The following METTL15 variants were observed in gnomAD, a reference collection of about 807,000 sequenced individuals.
METTL15 encodes methyltransferase 15, mitochondrial 12S rRNA N4-cytidine.
METTL15 carries 34 observed loss-of-function variants against 38.3 expected under a neutral mutation model. The observed-to-expected ratio is 0.89, with a 90% CI of 0.68 to 1.18. The LOEUF is 1.18. METTL15 is among the 50% of genes most tolerant of loss of function. The probability of loss-of-function intolerance (pLI) is 0.00; values close to 1 mark genes in which losing one functional copy is unlikely to be tolerated. For synonymous variants in METTL15, 162 were observed against 170.9 expected (o/e 0.95, Z 0.41); for missense variants, 438 against 498.4 (o/e 0.88, Z 1.15).
intron 4 of METTL15, among the ~76,000 whole-genome samples, chr11:28,272,418 G>T: frequency 6.6e-6 from 1 of 152,130 alleles, no homozygotes; most frequent in South Asian, 2.1e-4. Context: ...GTCCTTTGCA[G>T]GGACATGGAT....
chr11:28,170,909 G>T (rs1184289095), intron 3 of METTL15, among the ~76,000 whole-genome samples: 10 of 152,114 alleles, frequency 6.6e-5, no homozygotes, highest in Non-Finnish European at 1.0e-4. Context: ...CTAACCTCCT[G>T]TGTTTCAGCC....
At chr11:28,362,315 T>A (rs1288111218) in intron 5 of METTL15, among the ~76,000 whole-genome samples, 48 of 152,184 alleles carry the variant, frequency 3.2e-4, no homozygotes, top group Non-Finnish European at 4.4e-5. Flanking sequence ...CATTAAAACC[T>A]ACTGCTTTCT....
intron 4 of METTL15, among the ~76,000 whole-genome samples, chr11:28,260,082 G>C (rs997691098): frequency 2.6e-5 from 4 of 152,142 alleles, no homozygotes; most frequent in African/African-American, 7.2e-5. Flanking sequence ...TAATTTTTCT[G>C]TCTGCCTCAG....
chr11:28,288,713 A>G (rs1856389833), intron 4 of METTL15, among the ~76,000 whole-genome samples: 1 of 152,118 alleles, frequency 6.6e-6, no homozygotes, highest in South Asian at 2.1e-4. Context: ...ACTAATGGAT[A>G]CTAGGCTTAA....
At chr11:28,500,600 T>TC in intron 6 of METTL15, among the ~76,000 whole-genome samples, 1 of 152,138 alleles carries the variant, frequency 6.6e-6, no homozygotes, top group East Asian at 1.9e-4. Flanking sequence ...TGGCGAGATC[T>TC]CGGCTCACTG....
chr11:28,503,226 C>A (rs1002406613), intron 6 of METTL15, among the ~76,000 whole-genome samples: 1 of 152,162 alleles, frequency 6.6e-6, no homozygotes, highest in African/African-American at 2.4e-5. Context: ...TTTATTTGCC[C>A]ATAGTAGTCA....
At chr11:28,427,230 G>A (rs780694664) in intron 6 of METTL15, among the ~76,000 whole-genome samples, 6 of 152,174 alleles carry the variant, frequency 3.9e-5, no homozygotes, top group Non-Finnish European at 8.8e-5. Context: ...GGTTGTCAAA[G>A]ATCAGATGGT....
At chr11:28,494,652 C>A (rs2133484398) in intron 6 of METTL15, among the ~76,000 whole-genome samples, 1 of 152,226 alleles carries the variant, frequency 6.6e-6, no homozygotes, top group Middle Eastern at 3.4e-3. Flanking sequence ...GGGAGGGACT[C>A]AGTGGGAGGT....
intron 6 of METTL15, among the ~76,000 whole-genome samples, chr11:28,311,319 A>G (rs1400182755): frequency 6.6e-6 from 1 of 152,162 alleles, no homozygotes; most frequent in Non-Finnish European, 1.5e-5. Context: ...GTACAGGGAG[A>G]AATTCCTGTG....
intron 6 of METTL15, among the ~76,000 whole-genome samples, chr11:28,474,368 C>T (rs1851327688): frequency 6.6e-6 from 1 of 152,028 alleles, no homozygotes; most frequent in Admixed American, 6.6e-5. Context: ...TAATGCCTCT[C>T]TGTAAAATAG....
chr11:28,418,272 T>G (rs1414005500), intron 5 of METTL15, among the ~76,000 whole-genome samples: 1 of 152,184 alleles, frequency 6.6e-6, no homozygotes, highest in African/African-American at 2.4e-5. Flanking sequence ...ACTCCAACTG[T>G]TACCTCCAGG....
At chr11:28,456,961 A>C (rs1311075669) in intron 6 of METTL15, among the ~76,000 whole-genome samples, 1 of 152,168 alleles carries the variant, frequency 6.6e-6, no homozygotes, top group Admixed American at 6.5e-5. Flanking sequence ...ACAGAGACAA[A>C]CCATCATTGC....
chr11:28,251,712 C>A (rs182364417), intron 4 of METTL15, among the ~76,000 whole-genome samples: 1 of 152,152 alleles, frequency 6.6e-6, no homozygotes, highest in Non-Finnish European at 1.5e-5. Flanking sequence ...TAGCCATCTA[C>A]TCACATGATT....
chr11:28,120,985 G>A (rs1440108251), intron 3 of METTL15, among the ~76,000 whole-genome samples: 2 of 151,856 alleles, frequency 1.3e-5, no homozygotes, highest in African/African-American at 4.8e-5. Flanking sequence ...AGGGTAAATG[G>A]GTCATCTGTC....
chr11:28,431,358 GA>G (rs1389735947), intron 6 of METTL15, among the ~76,000 whole-genome samples: 1 of 124,218 alleles, frequency 8.1e-6, no homozygotes, highest in Admixed American at 8.7e-5. Flanking sequence ...GTGGGGAAAA[GA>G]TTGAGAAATC....
At chr11:28,226,609 A>G (rs1380505079) in intron 4 of METTL15, among the ~76,000 whole-genome samples, 1 of 151,938 alleles carries the variant, frequency 6.6e-6, no homozygotes, top group Admixed American at 6.6e-5. Context: ...AGCCAGAGCA[A>G]TGGCAAGTCT....
intron 6 of METTL15, among the ~76,000 whole-genome samples, chr11:28,464,673 CT>C (rs1851242470): frequency 6.6e-6 from 1 of 152,142 alleles, no homozygotes; most frequent in Non-Finnish European, 1.5e-5. Context: ...TCCTCAAATG[CT>C]GTCGTATGCC....
At chr11:28,197,360 T>G in intron 3 of METTL15, 1 of 246,154 alleles carries the variant, frequency 4.1e-6, no homozygotes, top group South Asian at 5.3e-5. Context: ...TTTTTGGAAT[T>G]TAGGCCTTTG....
At chr11:28,530,055 A>G (rs80067613), downstream of METTL15, among the ~76,000 whole-genome samples, 1,219 of 152,212 alleles carry the variant, frequency 8.0e-3, 23 homozygotes, top group African/African-American at 0.027. Context: ...GAGGAACTCA[A>G]ATGTCTAAGG....
Sources: gnomAD v4.1 joint callset for allele counts (sites outside exome capture counted in the v4.1 genomes callset) on GRCh38, gnomAD v4.1.1 for gene constraint, MANE v1.5 for transcripts, NCBI Gene and HGNC (gene_info 2026-07-23, HGNC 2026-07-21) for gene names.